The following LRRC4C variants were observed in gnomAD, a reference collection of about 807,000 sequenced individuals.
The protein encoded by LRRC4C is leucine rich repeat containing 4C, also known as leucine-rich repeat-containing protein 4C.
Under a neutral mutation model 33.6 loss-of-function variants are expected in LRRC4C, and 5 were observed. That is an observed-to-expected ratio of 0.15 (90% CI 0.08 to 0.31). LRRC4C has a LOEUF of 0.31. LRRC4C is among the 10% of genes least tolerant of loss of function. The probability of loss-of-function intolerance (pLI) is 1.00; values close to 1 mark genes in which losing one functional copy is unlikely to be tolerated. For synonymous variants in LRRC4C, 329 were observed against 302.0 expected, an observed-to-expected ratio of 1.09 and a Z score of -0.93; for missense variants, 560 against 796.7, an observed-to-expected ratio of 0.70 and a Z score of 3.58.
intron 3 of LRRC4C, among the ~76,000 whole-genome samples, chr11:40,330,834 G>A (rs879930223): frequency 1.3e-5 from 2 of 152,130 alleles, no homozygotes; most frequent in African/African-American, 2.4e-5. Flanking sequence ...TTAGGACACA[G>A]CCAAACCATA....
chr11:40,436,085 A>G (rs148970356), intron 3 of LRRC4C, among the ~76,000 whole-genome samples: 1,711 of 152,216 alleles, frequency 0.011, 34 homozygotes, highest in African/African-American at 0.04. Context: ...ATAAAATCTT[A>G]CCTTTCCATT....
intron 1 of LRRC4C, among the ~76,000 whole-genome samples, chr11:41,091,182 A>G (rs1306216737): frequency 1.3e-5 from 2 of 151,830 alleles, no homozygotes; most frequent in Non-Finnish European, 2.9e-5. Flanking sequence ...ACTTTATAGT[A>G]TTTCATTATA....
chr11:40,826,598 A>G (rs1418061215), intron 2 of LRRC4C, among the ~76,000 whole-genome samples: 2 of 151,986 alleles, frequency 1.3e-5, no homozygotes, highest in African/African-American at 2.4e-5. Flanking sequence ...CAGCTGGTCA[A>G]CTAAAATGAG....
At chr11:40,615,799 C>T (rs1591283761) in intron 3 of LRRC4C, among the ~76,000 whole-genome samples, 1 of 151,674 alleles carries the variant, frequency 6.6e-6, no homozygotes, top group African/African-American at 2.4e-5. Context: ...TTCATGGCTT[C>T]TGGGGCATTT....
chr11:40,463,328 G>GTGTA (rs1952496980), intron 3 of LRRC4C, among the ~76,000 whole-genome samples: 1 of 151,366 alleles, frequency 6.6e-6, no homozygotes, highest in South Asian at 2.1e-4. Context: ...GTGTGTGTGT[G>GTGTA]TGTGTGTGTG....
At chr11:40,291,710 C>G (rs1944204507) in intron 4 of LRRC4C, among the ~76,000 whole-genome samples, 1 of 152,172 alleles carries the variant, frequency 6.6e-6, no homozygotes, top group African/African-American at 2.4e-5. Context: ...CAGCCAGAAG[C>G]CACCCTTCAT....
intron 1 of LRRC4C, among the ~76,000 whole-genome samples, chr11:41,203,094 AT>A: frequency 6.6e-6 from 1 of 152,204 alleles, no homozygotes; most frequent in Admixed American, 6.5e-5. Context: ...TCAAAAACTG[AT>A]TTCTTTCTTC....
intron 3 of LRRC4C, among the ~76,000 whole-genome samples, chr11:40,330,720 GAAC>G (rs748843369): frequency 6.6e-6 from 1 of 152,010 alleles, no homozygotes; most frequent in Non-Finnish European, 1.5e-5. Flanking sequence ...ACTATCATGA[GAAC>G]AACATGGAAA....
intron 2 of LRRC4C, among the ~76,000 whole-genome samples, chr11:40,734,124 A>C (rs1010011950): frequency 6.6e-6 from 1 of 152,184 alleles, no homozygotes; most frequent in Non-Finnish European, 1.5e-5. Flanking sequence ...AAAGGAAGTC[A>C]GATAATTGTT....
intron 1 of LRRC4C, among the ~76,000 whole-genome samples, chr11:41,389,890 A>T (rs1041271916): frequency 2.6e-5 from 4 of 151,970 alleles, no homozygotes; most frequent in Non-Finnish European, 5.9e-5. Context: ...CATTTGGACC[A>T]TACCCCAAAA....
At chr11:40,987,272 C>T (rs1853083831) in intron 1 of LRRC4C, among the ~76,000 whole-genome samples, 1 of 152,068 alleles carries the variant, frequency 6.6e-6, no homozygotes, top group Admixed American at 6.6e-5. Context: ...TACAAGTTTG[C>T]CAGACTCTTG....
At chr11:40,456,181 A>G (rs1228280887) in intron 3 of LRRC4C, among the ~76,000 whole-genome samples, 1 of 152,154 alleles carries the variant, frequency 6.6e-6, no homozygotes, top group Non-Finnish European at 1.5e-5. Context: ...GCTCCTCTTT[A>G]GCATATCAGT....
At chr11:40,393,853 C>A (rs1949433706) in intron 3 of LRRC4C, among the ~76,000 whole-genome samples, 1 of 151,972 alleles carries the variant, frequency 6.6e-6, no homozygotes, top group Non-Finnish European at 1.5e-5. Flanking sequence ...TAGGGATTAT[C>A]CAGAAAAGTC....
In LRRC4C at chr11:40,372,654, G is replaced by A. The variant is rs910766010; in HGVS notation, c.-269-52933C>T. On this transcript the variant is annotated intron_variant, in intron 3 of 6. Transcript: ENST00000528697. ...AGCTAACACCCCAGTCATCCTGGAC[G>A]TTCTACATGATGCTATGCCTGGATA... is the stretch of plus-strand genomic sequence containing the variant. Among the ~76,000 whole-genome samples, 9 of 152,152 alleles carry A rather than the reference G, an allele frequency of 5.9e-5. 1 individual carries two copies. Among genetic ancestry groups the A allele is most frequent in the South Asian group, 2.1e-4 (1 of 4,826 alleles).
At chr11:40,749,543 T>A (rs1948587128) in intron 2 of LRRC4C, among the ~76,000 whole-genome samples, 2 of 140,960 alleles carry the variant, frequency 1.4e-5, no homozygotes, top group East Asian at 2.1e-4. Flanking sequence ...ATCAAAAAAA[T>A]CTAATGATGG....
intron 3 of LRRC4C, among the ~76,000 whole-genome samples, chr11:40,613,429 T>C (rs961900001): frequency 1.3e-5 from 2 of 151,988 alleles, no homozygotes; most frequent in Admixed American, 1.3e-4. Context: ...ATTAAAATTT[T>C]GTCATGAGAT....
chr11:40,916,775 C>T (rs1956980819), intron 2 of LRRC4C, among the ~76,000 whole-genome samples: 1 of 151,296 alleles, frequency 6.6e-6, no homozygotes. Flanking sequence ...GACACAATGA[C>T]TATTGAGACA....
At chr11:40,994,222 G>A (rs879706275) in intron 1 of LRRC4C, among the ~76,000 whole-genome samples, 6 of 151,936 alleles carry the variant, frequency 3.9e-5, no homozygotes, top group Admixed American at 2.6e-4. Flanking sequence ...TCATGAGTGC[G>A]CCATGGAGCA....
At position 41,143,984 on chromosome 11, in the gene LRRC4C, G is replaced by A. The variant is rs1030341617; in HGVS notation, c.-495-210261C>T. Among the ~76,000 whole-genome samples the A allele has an allele frequency of 3.9e-5, 6 of 152,296 alleles. No individual in the cohort carries two copies. In the East Asian group the frequency reaches 1.2e-3, roughly 29 times the overall value. ...GAGTTCAAAGAGTGTACTTTCTGAA[G>A]TCTTTGAGAATTAGAAAACTAAGAA... is the stretch of plus-strand genomic sequence containing the variant. On this transcript the variant is annotated intron_variant, in intron 1 of 6. Transcript: ENST00000528697.
Sources: gnomAD v4.1 joint callset for allele counts (sites outside exome capture counted in the v4.1 genomes callset) on GRCh38, gnomAD v4.1.1 for gene constraint, MANE v1.5 for transcripts, NCBI Gene and HGNC (gene_info 2026-07-23, HGNC 2026-07-21) for gene names.